GLIS3: variants seen among roughly 807,000 people sequenced by gnomAD.
GLIS3 encodes the protein GLIS family zinc finger 3.
Under a neutral mutation model 78.6 loss-of-function variants are expected in GLIS3, and 53 were observed. The observed-to-expected ratio is 0.67, with a 90% CI of 0.54 to 0.85. The LOEUF (loss-of-function observed/expected upper bound fraction) is 0.85. Among genes scored for constraint, GLIS3 ranks in the 40% least tolerant of loss-of-function variants. The pLI, the probability that GLIS3 is intolerant of heterozygous loss-of-function variation, is 0.00. For missense variants in GLIS3, 1,703 were observed against 1,231.1 expected (o/e 1.38, Z -5.74); for synonymous variants, 684 against 509.9 (o/e 1.34, Z -4.60).
intron 4 of GLIS3, among the ~76,000 whole-genome samples, chr9:4,059,988 G>C (rs1234180668): frequency 6.6e-6 from 1 of 152,052 alleles, no homozygotes; most frequent in Non-Finnish European, 1.5e-5. Context: ...TGTTGAATCA[G>C]AACCTTACCC....
At chr9:4,408,204 G>T in the GLIS3 span, among the ~76,000 whole-genome samples, 1 of 152,060 alleles carries the variant, frequency 6.6e-6, no homozygotes. Flanking sequence ...AGAACAGCAT[G>T]GAGGTTCCCT....
chr9:4,284,562 G>C (rs771327248), intron 2 of GLIS3, among the ~76,000 whole-genome samples: 5 of 151,204 alleles, frequency 3.3e-5, no homozygotes, highest in Non-Finnish European at 5.9e-5. Context: ...GTACCTCTAA[G>C]AAATAAAATG....
At chr9:4,385,799 AAGAAAGAAAGAAAAGAAAGAAAG>A in the GLIS3 span, among the ~76,000 whole-genome samples, 5,031 of 84,186 alleles carry the variant, frequency 0.06, 327 homozygotes, top group Non-Finnish European at 0.069. Flanking sequence ...GAAAGAAAGA[AAGAAAGAAAGAAAAGAAAGAAAG>A]AGAAAAGAAA....
At chr9:3,839,761 G>A (rs917155656) in intron 9 of GLIS3, among the ~76,000 whole-genome samples, 18 of 152,122 alleles carry the variant, frequency 1.2e-4, no homozygotes, top group African/African-American at 3.4e-4. Context: ...CTTTTGTTGA[G>A]GTTTCTCACT....
At chr9:4,269,752 CTATT>C (rs1410179019) in intron 2 of GLIS3, among the ~76,000 whole-genome samples, 5 of 151,896 alleles carry the variant, frequency 3.3e-5, no homozygotes, top group Non-Finnish European at 5.9e-5. Context: ...ATAATGCTGT[CTATT>C]AATTTTGTCT....
chr9:3,989,486 C>CCAGATGTCTCTCACCAGG lies in GLIS3; in HGVS notation c.1711-52315_1711-52298dup, dbSNP rs1820045450. On this transcript the variant is annotated intron_variant, in intron 4 of 10. Coordinates refer to ENST00000381971, the MANE Select transcript of GLIS3 (RefSeq NM_001042413.2). ...TGTAATAGCTTAAACTACAATCAGC[C>CCAGATGTCTCTCACCAGG]CAGATGTCTCTCACCAGGCAGATGT... Among the ~76,000 whole-genome samples, 3 of 152,130 alleles carry CCAGATGTCTCTCACCAGG rather than the reference C, an allele frequency of 2.0e-5. No individual in the cohort carries two copies. In the South Asian group the frequency reaches 6.2e-4, roughly 32 times the overall value.
Position 3,898,688 on chromosome 9 carries a change from T to C in GLIS3, c.2128+3A>G. 6.2e-7 allele frequency: 1 copy of C among 1,614,114 alleles called. No homozygotes were observed. The highest frequency in any genetic ancestry group is 8.5e-7 in the Non-Finnish European group (1 of 1,180,014). On this transcript the variant is annotated splice_donor_region_variant and intron_variant, in intron 7 of 10. Transcript: ENST00000381971. ...TGGTTGGCTCTGCCTTTGCTGTCTT[T>C]ACCTGAATAGAGGTCAGGCCCGGGT...
chr9:4,487,521 C>A, the GLIS3 span, among the ~76,000 whole-genome samples: 3 of 152,052 alleles, frequency 2.0e-5, no homozygotes, highest in African/African-American at 4.8e-5. Flanking sequence ...AGCCTAAATA[C>A]TTTACCCCGA....
At position 4,078,050 on chromosome 9, in the gene GLIS3, C is replaced by T. The variant is rs575126346; in HGVS notation, c.1710+39718G>A. ...CTCTGTTAAAATGACTGGTGTGATT[C>T]CAGTCTCTTCATTGGACCCTGAATG... On this transcript the variant is annotated intron_variant, in intron 4 of 10. Coordinates refer to ENST00000381971, the MANE Select transcript of GLIS3 (RefSeq NM_001042413.2). Among the ~76,000 whole-genome samples the T allele has an allele frequency of 1.8e-4, 27 of 152,246 alleles. No individual in the cohort carries two copies. The South Asian group carries it at 5.0e-3, about 28-fold the overall frequency.
At chr9:4,054,955 A>G (rs1418254642) in intron 4 of GLIS3, among the ~76,000 whole-genome samples, 1 of 152,124 alleles carries the variant, frequency 6.6e-6, no homozygotes, top group Non-Finnish European at 1.5e-5. Flanking sequence ...GCTACAAATG[A>G]GCCTTCCTGG....
intron 1 of GLIS3, among the ~76,000 whole-genome samples, chr9:4,288,056 T>A (rs1210685793): frequency 6.6e-6 from 1 of 152,182 alleles, no homozygotes; most frequent in Non-Finnish European, 1.5e-5. Flanking sequence ...TCTTCTCCCA[T>A]GAGTACGAAG....
intron 2 of GLIS3, among the ~76,000 whole-genome samples, chr9:4,215,107 T>C (rs764317068): frequency 8.6e-5 from 13 of 152,034 alleles, no homozygotes; most frequent in African/African-American, 1.4e-4. Flanking sequence ...AGAAGGGAGA[T>C]TGGAAATGCA....
At chr9:4,287,258 G>C (rs1828080604) in intron 1 of GLIS3, among the ~76,000 whole-genome samples, 1 of 152,166 alleles carries the variant, frequency 6.6e-6, no homozygotes, top group African/African-American at 2.4e-5. Context: ...CATAAGGAGA[G>C]AACGTCCCTT....
intron 4 of GLIS3, among the ~76,000 whole-genome samples, chr9:4,055,042 T>C (rs1408359414): frequency 3.0e-5 from 4 of 135,582 alleles, no homozygotes; most frequent in African/African-American, 7.4e-5. Flanking sequence ...ATTTTTAAAA[T>C]TGTATTTTCC....
chr9:4,368,775 C>A, the GLIS3 span, among the ~76,000 whole-genome samples: 1 of 152,202 alleles, frequency 6.6e-6, no homozygotes, highest in Non-Finnish European at 1.5e-5. Context: ...GTAGCATGCA[C>A]TGGAGTCGGT....
At chr9:3,889,479 A>G (rs78681951) in intron 7 of GLIS3, among the ~76,000 whole-genome samples, 1 of 152,220 alleles carries the variant, frequency 6.6e-6, no homozygotes, top group South Asian at 2.1e-4. Context: ...GAAGACTACT[A>G]AAGTATTTGC....
At chr9:4,187,840 T>G (rs962154210) in intron 2 of GLIS3, among the ~76,000 whole-genome samples, 2 of 152,148 alleles carry the variant, frequency 1.3e-5, no homozygotes, top group African/African-American at 4.8e-5. Flanking sequence ...TTTTGCACAT[T>G]GATTTTGTAT....
At chr9:4,404,079 T>G in the GLIS3 span, among the ~76,000 whole-genome samples, 1 of 152,098 alleles carries the variant, frequency 6.6e-6, no homozygotes, top group Admixed American at 6.6e-5. Context: ...GTAGCTATAC[T>G]TATGAGAAAA....
chr9:4,054,255 C>T (rs905437287), intron 4 of GLIS3: 52 of 794,320 alleles, frequency 6.5e-5, no homozygotes, highest in African/African-American at 9.4e-5. Flanking sequence ...TCATCCTTCA[C>T]GGTCACTGCT....
Sources: gnomAD v4.1 joint callset for allele counts (sites outside exome capture counted in the v4.1 genomes callset) on GRCh38, gnomAD v4.1.1 for gene constraint, MANE v1.5 for transcripts, NCBI Gene and HGNC (gene_info 2026-07-23, HGNC 2026-07-21) for gene names.